CDK17: variants seen among roughly 807,000 people sequenced by gnomAD.
CDK17 encodes cyclin-dependent kinase 17.
Under a neutral mutation model 77.6 loss-of-function variants are expected in CDK17, and 24 were observed. That is an observed-to-expected ratio of 0.31 (90% CI 0.22 to 0.44). The LOEUF is 0.44. CDK17 is among the 20% of genes least tolerant of loss of function. The probability of loss-of-function intolerance (pLI) is 1.00; values close to 1 mark genes in which losing one functional copy is unlikely to be tolerated. For synonymous variants in CDK17, 203 were observed against 210.4 expected, an observed-to-expected ratio of 0.96 and a Z score of 0.30; for missense variants, 429 against 622.5, an observed-to-expected ratio of 0.69 and a Z score of 3.31.
intron 14 of CDK17, 113 bp from the exon 15 acceptor site, chr12:96,282,712 A>C: frequency 7.7e-6 from 5 of 650,944 alleles, no homozygotes; most frequent in Middle Eastern, 2.7e-4. Flanking sequence ...ATTATTTAAT[A>C]TGATGACTAT....
intron 1 of CDK17, among the ~76,000 whole-genome samples, chr12:96,361,137 C>T (rs7973968): frequency 0.21 from 32,562 of 152,102 alleles, 4,361 homozygotes; most frequent in Middle Eastern, 0.33. Flanking sequence ...AGCGGGGAAC[C>T]CTGCAAAGCT....
chr12:96,345,801 A>C (rs1431289326), intron 1 of CDK17, among the ~76,000 whole-genome samples: 1 of 152,180 alleles, frequency 6.6e-6, no homozygotes, highest in African/African-American at 2.4e-5. Context: ...AAGAAAAAAA[A>C]CAAAGGAATT....
intron 9 of CDK17, 87 bp downstream of exon 9, chr12:96,297,183 G>T: frequency 1.3e-6 from 1 of 744,584 alleles, no homozygotes; most frequent in East Asian, 2.8e-5. Context: ...CCCTGAAGAA[G>T]AGTTATGAGG....
intron 1 of CDK17, among the ~76,000 whole-genome samples, chr12:96,361,882 G>GA (rs1175382019): frequency 3.3e-5 from 5 of 152,190 alleles, no homozygotes; most frequent in African/African-American, 1.2e-4. Context: ...TGAAAGGACT[G>GA]AATTGCTAAA....
chr12:96,308,252 A>AAG lies in CDK17; in HGVS notation c.543+2799_543+2800insCT, dbSNP rs750453479. On this transcript the variant is annotated intron_variant, in intron 5 of 16. Coordinates refer to ENST00000261211, the MANE Select transcript of CDK17 (RefSeq NM_002595.5). ...TCTAAAAAAAAAAAAAAAAAAAAAAAGTTTTTTAATTAGCTGGGTGTGATG... is the reference window on the plus strand; with the variant it reads ...TCTAAAAAAAAAAAAAAAAAAAAAAAAGGTTTTTTAATTAGCTGGGTGTGATG... 5.4e-4 allele frequency among the ~76,000 whole-genome samples: 78 copies of AAG among 143,550 alleles called. 1 individual carries two copies. The highest frequency in any genetic ancestry group is 1.6e-3 in the South Asian group (7 of 4,246). 94.2% of individuals were successfully genotyped at this position (143,550 alleles called of 152,430 possible). A position where few individuals can be genotyped will look rare whatever the true frequency, so the allele number is the denominator to read the frequency against.
At chr12:96,324,819 T>C (rs531807794) in intron 2 of CDK17, among the ~76,000 whole-genome samples, 5 of 151,864 alleles carry the variant, frequency 3.3e-5, no homozygotes, top group Admixed American at 1.3e-4. Context: ...AAAGACATGG[T>C]CCCGGCCTAA....
chr12:96,368,380 C>A (rs897287736), intron 1 of CDK17, among the ~76,000 whole-genome samples: 1 of 152,118 alleles, frequency 6.6e-6, no homozygotes, highest in Admixed American at 6.5e-5. Flanking sequence ...AGGTCAGGAG[C>A]TTCTAATGTG....
At chr12:96,316,920 A>C (rs370051152) in intron 3 of CDK17, among the ~76,000 whole-genome samples, 3 of 150,944 alleles carry the variant, frequency 2.0e-5, no homozygotes, top group Non-Finnish European at 3.0e-5. Context: ...CCAAAGGAAC[A>C]CAGTTCCTCA....
chr12:96,360,526 T>C (rs1319273026), intron 1 of CDK17, among the ~76,000 whole-genome samples: 1 of 152,186 alleles, frequency 6.6e-6, no homozygotes, highest in Non-Finnish European at 1.5e-5. Flanking sequence ...GAATTTTAGA[T>C]GCCAAAAATT....
At chr12:96,394,189 T>C (rs1386540159) in intron 1 of CDK17, among the ~76,000 whole-genome samples, 1 of 151,278 alleles carries the variant, frequency 6.6e-6, no homozygotes, top group East Asian at 1.9e-4. Context: ...GAGGTTGCAG[T>C]GAGCCAAGAT....
At chr12:96,362,004 G>A (rs1308763356) in intron 1 of CDK17, among the ~76,000 whole-genome samples, 1 of 152,052 alleles carries the variant, frequency 6.6e-6, no homozygotes, top group Non-Finnish European at 1.5e-5. Flanking sequence ...GATGTACTTA[G>A]TCTTTCTCTG....
In CDK17 at chr12:96,343,893, T is replaced by C. The variant is rs1273263283; in HGVS notation, c.-29-9028A>G. Among the ~76,000 whole-genome samples, 12 of 152,260 alleles carry C rather than the reference T, an allele frequency of 7.9e-5. No homozygotes were observed. In the South Asian group the frequency reaches 1.2e-3, roughly 16 times the overall value. On this transcript the variant is annotated intron_variant, in intron 1 of 16. Coordinates refer to ENST00000261211, the MANE Select transcript of CDK17 (RefSeq NM_002595.5). ...ACCTGAAGCAGCACAGAATTTGGAA[T>C]TGCTAGTCAAAAATGTTAAATCAAC...
rs140433431 is a variant in CDK17, at chr12:96,312,542, C to T, written c.417+779G>A. Among the ~76,000 whole-genome samples the T allele has an allele frequency of 7.1e-3, 1,078 of 152,156 alleles. 13 individuals carry two copies. Among genetic ancestry groups the T allele is most frequent in the African/African-American group, 0.024 (995 of 41,516 alleles). ...ATCATTTAGAAAACTGATAAGATTT[C>T]CTTAACTGATTAAGAAGAATCCTTT... On this transcript the variant is annotated intron_variant, in intron 4 of 16. Transcript: ENST00000261211.
At chr12:96,342,773 G>T (rs1013378067) in intron 1 of CDK17, among the ~76,000 whole-genome samples, 1 of 152,066 alleles carries the variant, frequency 6.6e-6, no homozygotes, top group Non-Finnish European at 1.5e-5. Flanking sequence ...AAGACCGCCT[G>T]ATCAACATGG....
chr12:96,334,934 G>T, intron 1 of CDK17, 69 bp from the exon 2 acceptor site: 1 of 714,358 alleles, frequency 1.4e-6, no homozygotes, highest in Non-Finnish European at 2.5e-6. Flanking sequence ...ATACCGCCTG[G>T]GTTTACTGGA....
At chr12:96,385,894 T>C (rs944445502) in intron 1 of CDK17, among the ~76,000 whole-genome samples, 9 of 151,528 alleles carry the variant, frequency 5.9e-5, no homozygotes, top group Admixed American at 1.3e-4. Flanking sequence ...CATAAAATAA[T>C]TGAAACAAAA....
At chr12:96,366,447 T>G (rs746926517) in intron 1 of CDK17, among the ~76,000 whole-genome samples, 2 of 152,214 alleles carry the variant, frequency 1.3e-5, no homozygotes, top group Non-Finnish European at 2.9e-5. Flanking sequence ...ATATATCTCA[T>G]ACATTACTAT....
intron 1 of CDK17, among the ~76,000 whole-genome samples, chr12:96,370,549 AGTATG>A (rs1178938123): frequency 1.3e-5 from 2 of 152,216 alleles, no homozygotes; most frequent in Non-Finnish European, 2.9e-5. Context: ...AGATTCTCCA[AGTATG>A]TGTGGTCTGG....
Position 96,335,872 on chromosome 12 carries a change from T to C in CDK17, c.-29-1007A>G, listed in dbSNP as rs948135751. On this transcript the variant is annotated intron_variant, in intron 1 of 16. Coordinates refer to ENST00000261211, the MANE Select transcript of CDK17 (RefSeq NM_002595.5). ...TTCTATGATGAGCTGGCTTACCAGA[T>C]TGCCATGCACACTATAACCATTATC... Among the ~76,000 whole-genome samples the C allele has an allele frequency of 7.2e-5, 11 of 152,332 alleles. No homozygotes were observed. The South Asian group carries it at 2.3e-3, about 32-fold the overall frequency.
Sources: gnomAD v4.1 joint callset for allele counts (sites outside exome capture counted in the v4.1 genomes callset) on GRCh38, gnomAD v4.1.1 for gene constraint, MANE v1.5 for transcripts, NCBI Gene and HGNC (gene_info 2026-07-23, HGNC 2026-07-21) for gene names.